The following PACRG variants were observed in gnomAD, a reference collection of about 807,000 sequenced individuals.
PACRG encodes the protein parkin coregulated, also known as parkin coregulated gene protein.
PACRG carries 29 observed loss-of-function variants against 29.7 expected under a neutral mutation model. The observed-to-expected ratio is 0.98, with a 90% CI of 0.73 to 1.33. PACRG has a LOEUF of 1.33. Ranked by LOEUF, PACRG falls within the 40% of genes most tolerant of loss-of-function variation. The probability of loss-of-function intolerance (pLI) is 0.00; values close to 1 mark genes in which losing one functional copy is unlikely to be tolerated. For missense variants in PACRG, 279 were observed against 316.2 expected (o/e 0.88, Z 0.89); for synonymous variants, 116 against 118.7 (o/e 0.98, Z 0.15).
At chr6:163,179,355 C>A in intron 4 of PACRG, 1 of 404,314 alleles carries the variant, frequency 2.5e-6, no homozygotes. Flanking sequence ...ATTCCCAGAG[C>A]AGCCTGGCTT....
In PACRG at chr6:162,889,955, T is replaced by C. The variant is rs577122238; in HGVS notation, c.291+75674T>C. Among the ~76,000 whole-genome samples, 195 of 152,384 alleles carry C rather than the reference T, an allele frequency of 1.3e-3. 2 individuals are homozygous for C. Among genetic ancestry groups the C allele is most frequent in the Non-Finnish European group, 6.6e-4 (45 of 68,042 alleles). Reference sequence around the variant, plus strand: ...CTGAATGAGTCAACAGACATTGTAATGGTGATGTGTAACTCATAACCTGAA... The same window carrying C: ...CTGAATGAGTCAACAGACATTGTAACGGTGATGTGTAACTCATAACCTGAA... On this transcript the variant is annotated intron_variant, in intron 2 of 4. Transcript: ENST00000366888.
chr6:162,783,328 A>C (rs1467289749), intron 1 of PACRG, among the ~76,000 whole-genome samples: 1 of 152,006 alleles, frequency 6.6e-6, no homozygotes. Context: ...TTCAAGTGTT[A>C]GTTAACCATT....
At chr6:162,743,677 T>G (rs183563673) in intron 1 of PACRG, among the ~76,000 whole-genome samples, 1 of 152,162 alleles carries the variant, frequency 6.6e-6, no homozygotes, top group South Asian at 2.1e-4. Context: ...TTTGAATTAT[T>G]TATTTAATGC....
chr6:162,868,564 G>T (rs1019373862), intron 2 of PACRG, among the ~76,000 whole-genome samples: 4 of 152,222 alleles, frequency 2.6e-5, no homozygotes, highest in African/African-American at 9.6e-5. Context: ...GCCTGGAGAG[G>T]ACCCCTTGCT....
chr6:163,168,409 G>A (rs911405149), intron 4 of PACRG, among the ~76,000 whole-genome samples: 3 of 152,284 alleles, frequency 2.0e-5, no homozygotes, highest in African/African-American at 4.8e-5. Context: ...CCGGGGTTGC[G>A]GGTTGGGGGT....
At chr6:162,987,667 CCT>C (rs1803025412) in intron 2 of PACRG, among the ~76,000 whole-genome samples, 1 of 152,176 alleles carries the variant, frequency 6.6e-6, no homozygotes, top group Non-Finnish European at 1.5e-5. Context: ...GTCCATTAAA[CCT>C]CTTTTTCTTT....
At chr6:163,146,086 A>G (rs1777792236) in intron 4 of PACRG, among the ~76,000 whole-genome samples, 1 of 151,706 alleles carries the variant, frequency 6.6e-6, no homozygotes, top group Non-Finnish European at 1.5e-5. Context: ...AGTTCTTCTG[A>G]CTCTTTTGAA....
chr6:163,279,140 T>C (rs1370313782), intron 4 of PACRG, among the ~76,000 whole-genome samples: 2 of 152,220 alleles, frequency 1.3e-5, no homozygotes, highest in Non-Finnish European at 2.9e-5. Flanking sequence ...CTCAGCTTGG[T>C]CGCTGTTGGT....
At chr6:162,914,463 G>A (rs1415959453) in intron 2 of PACRG, among the ~76,000 whole-genome samples, 1 of 147,598 alleles carries the variant, frequency 6.8e-6, no homozygotes, top group Non-Finnish European at 1.5e-5. Flanking sequence ...AGCCAGTCCT[G>A]AAATCAGGTA....
intron 4 of PACRG, among the ~76,000 whole-genome samples, chr6:163,138,840 C>T (rs1252447135): frequency 6.6e-6 from 1 of 152,174 alleles, no homozygotes; most frequent in East Asian, 1.9e-4. Flanking sequence ...CATTCAAATA[C>T]TTGGTTGTAC....
intron 4 of PACRG, among the ~76,000 whole-genome samples, chr6:163,170,238 G>A (rs569634657): frequency 3.9e-5 from 6 of 152,202 alleles, no homozygotes; most frequent in South Asian, 2.1e-4. Flanking sequence ...GGCTTAGAGC[G>A]GGGAACAAGA....
chr6:163,095,878 A>G (rs1814534917), intron 4 of PACRG, among the ~76,000 whole-genome samples: 1 of 152,178 alleles, frequency 6.6e-6, no homozygotes, highest in Non-Finnish European at 1.5e-5. Context: ...TGGGGGAGAC[A>G]CTATTCAATC....
chr6:163,219,020 C>G (rs1358295509), intron 4 of PACRG, among the ~76,000 whole-genome samples: 1 of 152,258 alleles, frequency 6.6e-6, no homozygotes, highest in African/African-American at 2.4e-5. Context: ...TTCTGTCCAG[C>G]AACCCTATTC....
intron 1 of PACRG, among the ~76,000 whole-genome samples, chr6:162,797,216 A>G (rs1785456033): frequency 6.6e-6 from 1 of 152,138 alleles, no homozygotes; most frequent in Non-Finnish European, 1.5e-5. Context: ...CAGAGGTTAC[A>G]GTGAGCCGAG....
chr6:162,851,985 A>G (rs1210053335), intron 2 of PACRG, among the ~76,000 whole-genome samples: 1 of 113,934 alleles, frequency 8.8e-6, no homozygotes, highest in African/African-American at 3.0e-5. Context: ...GAGAAAAGAA[A>G]AGGGAGGGAG....
intron 4 of PACRG, among the ~76,000 whole-genome samples, chr6:163,096,509 G>A (rs762868755): frequency 6.1e-5 from 9 of 146,860 alleles, no homozygotes; most frequent in Admixed American, 1.4e-4. Flanking sequence ...CAAAGGCTCC[G>A]GCTGCAGTTC....
intron 2 of PACRG, among the ~76,000 whole-genome samples, chr6:162,966,481 T>A (rs893079252): frequency 6.6e-6 from 1 of 150,582 alleles, no homozygotes; most frequent in Non-Finnish European, 1.5e-5. Flanking sequence ...ACATGTATTT[T>A]TTTTTTTTTT....
chr6:163,168,845 C>G (rs1778938973), intron 4 of PACRG, among the ~76,000 whole-genome samples: 1 of 152,126 alleles, frequency 6.6e-6, no homozygotes, highest in African/African-American at 2.4e-5. Flanking sequence ...ATATGGAGTA[C>G]TGGAGCTTGT....
At chr6:163,277,174 G>A (rs560607608) in intron 4 of PACRG, among the ~76,000 whole-genome samples, 1 of 152,062 alleles carries the variant, frequency 6.6e-6, no homozygotes, top group Non-Finnish European at 1.5e-5. Context: ...GTTCTTTAGT[G>A]GTGATTTCTG....
Sources: gnomAD v4.1 joint callset for allele counts (sites outside exome capture counted in the v4.1 genomes callset) on GRCh38, gnomAD v4.1.1 for gene constraint, MANE v1.5 for transcripts, NCBI Gene and HGNC (gene_info 2026-07-23, HGNC 2026-07-21) for gene names.